The following ZPBP variants were observed in gnomAD, a reference collection of about 807,000 sequenced individuals.
The protein encoded by ZPBP is zona pellucida-binding protein 1.
A neutral mutation model predicts 44.8 loss-of-function variants in ZPBP; 26 were observed. The observed-to-expected ratio is 0.58, with a 90% CI of 0.43 to 0.81. ZPBP has a LOEUF of 0.81. Among genes scored for constraint, ZPBP ranks in the 30% least tolerant of loss-of-function variants. ZPBP has a pLI of 0.00. For synonymous variants in ZPBP, 174 were observed against 153.2 expected (o/e 1.14, Z -1.00); for missense variants, 409 against 434.0 (o/e 0.94, Z 0.51).
intron 4 of ZPBP, among the ~76,000 whole-genome samples, chr7:50,049,831 CAA>C (rs1800595896): frequency 6.6e-6 from 1 of 151,074 alleles, no homozygotes; most frequent in African/African-American, 2.4e-5. Flanking sequence ...TAAAAAAAAA[CAA>C]AAATAAATAA....
At chr7:50,069,604 T>A (rs191995810) in intron 3 of ZPBP, among the ~76,000 whole-genome samples, 3 of 152,318 alleles carry the variant, frequency 2.0e-5, no homozygotes, top group Admixed American at 2.0e-4. Flanking sequence ...TCACAGTATG[T>A]CCTCAACTTT....
chr7:50,060,028 C>G (rs949980412), intron 3 of ZPBP, among the ~76,000 whole-genome samples: 2 of 152,096 alleles, frequency 1.3e-5, no homozygotes, highest in African/African-American at 4.8e-5. Context: ...GAGCAAGAAG[C>G]TAGGGAACCG....
intron 1 of ZPBP, among the ~76,000 whole-genome samples, chr7:49,908,990 T>G (rs1028289120): frequency 4.6e-5 from 7 of 152,214 alleles, no homozygotes; most frequent in African/African-American, 1.7e-4. Flanking sequence ...ATAGAAAGAT[T>G]AATTCAGGTA....
Position 50,093,221 on chromosome 7 carries a change from G to T in ZPBP, c.-27C>A, listed in dbSNP as rs971355641. 2 of 1,502,192 alleles carry T rather than the reference G, an allele frequency of 1.3e-6. No homozygotes were observed. Among genetic ancestry groups the T allele is most frequent in the Non-Finnish European group, 1.8e-6 (2 of 1,129,450 alleles). 93.1% of individuals were successfully genotyped at this position (1,502,192 alleles called of 1,614,324 possible). ...CACACGCCGCCGTCGCCTGCCCACCGTCCGCGCGGAAGGTCGTTAGGCAAC... is the reference window on the plus strand; with the variant it reads ...CACACGCCGCCGTCGCCTGCCCACCTTCCGCGCGGAAGGTCGTTAGGCAAC... On this transcript the variant is annotated 5_prime_UTR_variant, in exon 1 of 8. Coordinates refer to ENST00000046087, the MANE Select transcript of ZPBP (RefSeq NM_007009.3).
intron 2 of ZPBP, among the ~76,000 whole-genome samples, chr7:49,872,401 AATTAG>A (rs780979484): frequency 1.3e-5 from 2 of 152,142 alleles, no homozygotes; most frequent in Non-Finnish European, 2.9e-5. Flanking sequence ...ACACAGAAAA[AATTAG>A]ATTAGATCAC....
intron 2 of ZPBP, among the ~76,000 whole-genome samples, chr7:49,853,624 C>A (rs993295206): frequency 1.3e-5 from 2 of 151,830 alleles, no homozygotes; most frequent in Non-Finnish European, 2.9e-5. Context: ...ACATACTTTA[C>A]GTAACATAAA....
intron 7 of ZPBP, among the ~76,000 whole-genome samples, chr7:49,938,972 C>A (rs886791327): frequency 6.6e-6 from 1 of 151,926 alleles, no homozygotes; most frequent in Non-Finnish European, 1.5e-5. Context: ...CAAAGAGTTC[C>A]TCAGTTTTAA....
chr7:50,027,075 C>T (rs1365656013), intron 5 of ZPBP, among the ~76,000 whole-genome samples: 1 of 151,952 alleles, frequency 6.6e-6, no homozygotes, highest in African/African-American at 2.4e-5. Context: ...TGCTCAACCC[C>T]CCCTCATAAA....
rs376095475 is a variant in ZPBP at position 49,895,375 on chromosome 7, C to T, written n.509+5743G>A. Among the ~76,000 whole-genome samples, 233 of 152,304 alleles carry T rather than the reference C, an allele frequency of 1.5e-3. 3 individuals are homozygous for T. The highest frequency in any genetic ancestry group is 5.4e-3 in the African/African-American group (223 of 41,562). ...TCAATGTACGAATTCCAGGGGGACACCAATATTCAGATCACAGCATTGTGC... is the reference window on the plus strand; with the variant it reads ...TCAATGTACGAATTCCAGGGGGACATCAATATTCAGATCACAGCATTGTGC... On this transcript the variant is annotated intron_variant and non_coding_transcript_variant, in intron 2 of 2. Coordinates refer to the ZPBP transcript ENST00000465922.
intron 4 of ZPBP, among the ~76,000 whole-genome samples, chr7:50,035,159 A>C (rs1293696963): frequency 6.6e-6 from 1 of 152,196 alleles, no homozygotes. Context: ...TTTGTCACTA[A>C]ATTGGATTTG....
chr7:50,066,964 C>T (rs1584158438), intron 3 of ZPBP, among the ~76,000 whole-genome samples: 1 of 152,130 alleles, frequency 6.6e-6, no homozygotes, highest in African/African-American at 2.4e-5. Context: ...TATGGTGAAT[C>T]CAAGGTGTGA....
chr7:50,074,899 C>G (rs964667551), intron 3 of ZPBP, among the ~76,000 whole-genome samples: 2 of 151,798 alleles, frequency 1.3e-5, no homozygotes, highest in East Asian at 3.9e-4. Context: ...CAGACTTAAT[C>G]TATACTACAG....
chr7:49,999,601 T>C (rs1233365118), intron 6 of ZPBP, among the ~76,000 whole-genome samples: 1 of 152,090 alleles, frequency 6.6e-6, no homozygotes, highest in East Asian at 1.9e-4. Flanking sequence ...CAAAAGATGA[T>C]GGTCTAAGTC....
chr7:50,022,906 G>A (rs541533943), intron 5 of ZPBP, among the ~76,000 whole-genome samples: 1 of 152,062 alleles, frequency 6.6e-6, no homozygotes, highest in Non-Finnish European at 1.5e-5. Context: ...CTGCAATGAG[G>A]AGTATTCTTG....
intron 2 of ZPBP, among the ~76,000 whole-genome samples, chr7:49,878,101 G>A (rs1049571201): frequency 2.4e-4 from 36 of 152,006 alleles, no homozygotes; most frequent in African/African-American, 8.7e-4. Context: ...CTGTCCCCTT[G>A]ACGTAAATGT....
At chr7:50,021,055 T>A (rs1799070395) in intron 5 of ZPBP, among the ~76,000 whole-genome samples, 1 of 152,024 alleles carries the variant, frequency 6.6e-6, no homozygotes, top group Non-Finnish European at 1.5e-5. Context: ...GGCAGAAGGA[T>A]CTGATTTCAA....
chr7:49,880,611 C>CT (rs1791621082), intron 2 of ZPBP, among the ~76,000 whole-genome samples: 1 of 150,246 alleles, frequency 6.7e-6, no homozygotes, highest in African/African-American at 2.5e-5. Context: ...TTTAATTATA[C>CT]TTTAAGTTCT....
intron 2 of ZPBP, among the ~76,000 whole-genome samples, chr7:49,871,157 A>G (rs542475749): frequency 4.6e-5 from 7 of 152,358 alleles, no homozygotes; most frequent in Middle Eastern, 3.4e-3. Flanking sequence ...ATATCAATTT[A>G]TAGCAAAATT....
intron 7 of ZPBP, among the ~76,000 whole-genome samples, chr7:49,980,136 T>A (rs1377981604): frequency 9.3e-6 from 1 of 107,340 alleles, no homozygotes; most frequent in Non-Finnish European, 1.7e-5. Context: ...AATTATATAT[T>A]ATATTTATAT....
Sources: gnomAD v4.1 joint callset for allele counts (sites outside exome capture counted in the v4.1 genomes callset) on GRCh38, gnomAD v4.1.1 for gene constraint, MANE v1.5 for transcripts, NCBI Gene and HGNC (gene_info 2026-07-23, HGNC 2026-07-21) for gene names.